The following IPO5 variants were observed in gnomAD, a reference collection of about 807,000 sequenced individuals.
IPO5 encodes importin 5.
A neutral mutation model predicts 143.3 loss-of-function variants in IPO5; 18 were observed. That is an observed-to-expected ratio of 0.13 (90% CI 0.09 to 0.19). IPO5 has a LOEUF of 0.19. IPO5 is among the 10% of genes least tolerant of loss of function. IPO5 has a pLI of 1.00. For synonymous variants in IPO5, 477 were observed against 465.7 expected (o/e 1.02, Z -0.31); for missense variants, 1,013 against 1,336.9 (o/e 0.76, Z 3.78).
chr13:97,976,726 G>T lies in IPO5; in HGVS notation c.30G>T (p.Gln10His). 4 of 1,412,768 alleles carry T rather than the reference G, an allele frequency of 2.8e-6. No individual in the cohort carries two copies. The highest frequency in any genetic ancestry group is 1.9e-6 in the Non-Finnish European group (2 of 1,059,214). 87.5% of individuals were successfully genotyped at this position (1,412,768 alleles called of 1,614,324 possible). A position where few individuals can be genotyped will look rare whatever the true frequency, so the allele number is the denominator to read the frequency against. The change falls in exon 4 of 29, where the codon CAG becomes CAT. Residue 10 changes from glutamine (Q) to histidine (H), a missense_variant. Gln to His is a conservative substitution (Grantham distance 24). This residue lies in a region of IPO5 where 328 missense variants were observed against 342.0 expected (regional missense o/e 0.96). Transcript: ENST00000651721. ...CGGCGGCCGCGGCGGAGCAGCAACAGTTCTACCTGCTCCTGGGAAACCTGC... is the reference window on the plus strand; with the variant it reads ...CGGCGGCCGCGGCGGAGCAGCAACATTTCTACCTGCTCCTGGGAAACCTGC... MAAAAAEQQQFYLLLGNLLS... is the reference protein window; with the variant it reads MAAAAAEQQHFYLLLGNLLS...
At chr13:97,974,194 C>A (rs933693783) in intron 3 of IPO5, among the ~76,000 whole-genome samples, 34 of 152,142 alleles carry the variant, frequency 2.2e-4, no homozygotes, top group African/African-American at 8.2e-4. Context: ...ACACATATCG[C>A]AACAGGTGTT....
intron 5 of IPO5, among the ~76,000 whole-genome samples, chr13:97,983,857 AT>A (rs58078036): frequency 0.019 from 2,638 of 138,866 alleles, 63 homozygotes; most frequent in African/African-American, 0.064. Flanking sequence ...AAGTATCCCA[AT>A]TTTTTTTTTT....
chr13:97,994,335 T>C (rs755784280), intron 11 of IPO5, among the ~76,000 whole-genome samples: 39 of 152,066 alleles, frequency 2.6e-4, no homozygotes, highest in Non-Finnish European at 5.0e-4. Context: ...AACAAAAATA[T>C]TGCTTATTTG....
chr13:98,007,989 A>G, intron 17 of IPO5, 70 bp from the exon 18 acceptor site: 2 of 918,430 alleles, frequency 2.2e-6, no homozygotes, highest in Non-Finnish European at 3.5e-6. Flanking sequence ...ATTTTTTGGC[A>G]AAGCTTTGCT....
chr13:98,012,827 T>TG (rs1889828471), intron 21 of IPO5, among the ~76,000 whole-genome samples: 2 of 110,294 alleles, frequency 1.8e-5, no homozygotes, highest in Non-Finnish European at 3.7e-5. Context: ...TTTTTTTTTT[T>TG]AAGAGATAAG....
chr13:98,016,685 T>A (rs747198214), intron 24 of IPO5, 44 bp from the exon 25 acceptor site: 4 of 1,045,710 alleles, frequency 3.8e-6, no homozygotes, highest in Non-Finnish European at 5.3e-6. Flanking sequence ...ATAGAAAATA[T>A]ACTTTTTAAT....
At chr13:97,990,030 T>C in intron 7 of IPO5, 96 bp from the exon 8 acceptor site, 1 of 736,082 alleles carries the variant, frequency 1.4e-6, no homozygotes, top group South Asian at 1.7e-5. Context: ...GCGTACTGAG[T>C]CAGGTAAACA....
intron 3 of IPO5, among the ~76,000 whole-genome samples, chr13:97,971,432 A>G (rs1369866697): frequency 6.6e-6 from 1 of 152,230 alleles, no homozygotes; most frequent in African/African-American, 2.4e-5. Context: ...TTTTTCAACC[A>G]TTCAAACTTT....
At chr13:97,998,221 C>A (rs568458791) in intron 12 of IPO5, among the ~76,000 whole-genome samples, 2 of 152,214 alleles carry the variant, frequency 1.3e-5, no homozygotes, top group Non-Finnish European at 2.9e-5. Context: ...ATGATCCGCC[C>A]GCCTCGGCCT....
chr13:97,969,620 C>G (rs768204760), intron 2 of IPO5, 103 bp from the exon 3 acceptor site: 4 of 642,750 alleles, frequency 6.2e-6, no homozygotes, highest in Admixed American at 3.2e-5. Context: ...TTTGATTTAA[C>G]TGATAAGGAT....
In IPO5 at chr13:97,997,607, T is replaced by C; in HGVS notation, c.990T>C (p.Asp330=). The C allele has an allele frequency of 1.9e-6, 3 of 1,604,958 alleles. No individual in the cohort carries two copies. The South Asian group carries it at 3.3e-5, about 18-fold the overall frequency. ...DWANADELED[D]DFDSNAVAGE... is the part of the protein sequence containing the mutation. ...CAAATGCAGATGAACTAGAAGATGA[T>C]GATTTTGACAGGTAATCAAACATTG... Residue 330 remains aspartate, a synonymous_variant, in exon 12 of 29, where the codon GAT becomes GAC. Transcript: ENST00000651721.
chr13:97,963,251 T>C (rs1442856228), intron 2 of IPO5: 1 of 152,206 alleles, frequency 6.6e-6, no homozygotes, highest in Non-Finnish European at 1.5e-5. Flanking sequence ...ACCATCACAG[T>C]ATCCTTGTCA....
rs773090266 is a variant in IPO5, at chr13:98,021,084, A to C, written c.3158A>C (p.His1053Pro). ...GGAGAAATGCACGAGGCAATTAAACATGAAGATCCTTGTGCCAAACGTCTG... is the reference window on the plus strand; with the variant it reads ...GGAGAAATGCACGAGGCAATTAAACCTGAAGATCCTTGTGCCAAACGTCTG... ...AEGEMHEAIK[H>P]EDPCAKRLAN... Residue 1053 changes from histidine to proline, a missense_variant, in exon 28 of 29, where the codon CAT (histidine) becomes CCT (proline). By Grantham distance (77) the His-to-Pro change is moderately conservative. Around this residue, in one of 2 missense-constraint regions of IPO5, gnomAD observed 685 missense variants for 994.9 expected, o/e 0.69. Transcript: ENST00000651721. 1 of 1,611,142 alleles carries C rather than the reference A, an allele frequency of 6.2e-7. No individual in the cohort carries two copies.
chr13:98,010,462 C>T (rs1889602330), intron 20 of IPO5, among the ~76,000 whole-genome samples: 2 of 152,144 alleles, frequency 1.3e-5, no homozygotes, highest in Admixed American at 6.5e-5. Context: ...AGATGAATTA[C>T]TGTGCCTTGG....
At chr13:97,957,921 A>C (rs1884570865) in intron 2 of IPO5, among the ~76,000 whole-genome samples, 2 of 151,956 alleles carry the variant, frequency 1.3e-5, no homozygotes. Context: ...TGAGGTGGAG[A>C]TTGCAGTGAG....
rs371193973 is a variant in IPO5 at position 98,021,818 on chromosome 13, C to T, written c.3290C>T (p.Ala1097Val). ...GCCATTCAGGAGCTCCTGAACTCTG[C>T]GTGAAGGGCCTTAATGTCACCCACC... ...QAAIQELLNS[A>V] Residue 1097 changes from alanine to valine, a missense_variant, in exon 29 of 29, where the codon GCG becomes GTG. By Grantham distance (64) the Ala-to-Val change is moderately conservative. This residue lies in a region of IPO5 where 685 missense variants were observed against 994.9 expected (regional missense o/e 0.69). Transcript: ENST00000651721. 17 of 1,597,416 alleles carry T rather than the reference C, an allele frequency of 1.1e-5. No homozygotes were observed. Among genetic ancestry groups the T allele is most frequent in the Admixed American group, 3.3e-5 (2 of 59,832 alleles).
chr13:98,018,773 T>TAA, intron 26 of IPO5, 69 bp downstream of exon 26: 1 of 1,121,108 alleles, frequency 8.9e-7, no homozygotes, highest in Non-Finnish European at 1.3e-6. Context: ...TTACTCTCTT[T>TAA]ACCACACTCC....
At chr13:97,987,950 A>AT (rs34796635) in intron 6 of IPO5, 5,591 of 240,410 alleles carry the variant, frequency 0.023, 58 homozygotes, top group African/African-American at 0.056. Flanking sequence ...GCTCTCATAG[A>AT]TTTTTTTTTT....
chr13:98,015,321 A>G (rs1890053117), intron 22 of IPO5, among the ~76,000 whole-genome samples: 1 of 151,728 alleles, frequency 6.6e-6, no homozygotes, highest in Non-Finnish European at 1.5e-5. Context: ...GCACCTAGGT[A>G]TGCTCAGTAG....
Sources: gnomAD v4.1 joint callset for allele counts (sites outside exome capture counted in the v4.1 genomes callset) on GRCh38, gnomAD v4.1.1 for gene constraint, gnomAD v4.1.1 regional missense constraint, MANE v1.5 for transcripts, NCBI Gene and HGNC (gene_info 2026-07-23, HGNC 2026-07-21) for gene names.